The following CHRM3 variants were observed in gnomAD, a reference collection of about 807,000 sequenced individuals.
CHRM3 encodes cholinergic receptor muscarinic 3.
CHRM3 carries 11 observed loss-of-function variants against 41.8 expected under a neutral mutation model. The observed-to-expected ratio is 0.26, with a 90% CI of 0.17 to 0.44. The LOEUF (loss-of-function observed/expected upper bound fraction) is 0.44, where lower values mean the gene tolerates loss of function less well. Ranked by LOEUF, CHRM3 falls within the 20% of genes least tolerant of loss-of-function variation. The pLI, the probability that CHRM3 is intolerant of heterozygous loss-of-function variation, is 1.00. For synonymous variants in CHRM3, 297 were observed against 301.4 expected (o/e 0.99, Z 0.15); for missense variants, 571 against 745.4 (o/e 0.77, Z 2.72).
intron 5 of CHRM3, among the ~76,000 whole-genome samples, chr1:239,733,245 C>A (rs774445264): frequency 3.3e-5 from 5 of 152,022 alleles, no homozygotes; most frequent in Non-Finnish European, 7.4e-5. Context: ...CTACCTCAAC[C>A]AGCCATGAGC....
chr1:239,720,308 T>G (rs1258089370), intron 5 of CHRM3: 1 of 151,986 alleles, frequency 6.6e-6, no homozygotes, highest in African/African-American at 2.4e-5. Flanking sequence ...TTGCCCTAGT[T>G]TCTTTGCATA....
At chr1:239,713,651 T>C (rs1335593772) in intron 5 of CHRM3, among the ~76,000 whole-genome samples, 3 of 152,176 alleles carry the variant, frequency 2.0e-5, no homozygotes, top group African/African-American at 4.8e-5. Flanking sequence ...CAGATCTCCA[T>C]GGACAGAGAA....
At chr1:239,779,029 CT>C (rs1161271804) in intron 5 of CHRM3, among the ~76,000 whole-genome samples, 1 of 152,158 alleles carries the variant, frequency 6.6e-6, no homozygotes, top group Non-Finnish European at 1.5e-5. Flanking sequence ...GTTTTCCCAT[CT>C]TACTATTTGC....
rs943064536 is a variant in CHRM3, at chr1:239,699,892, C to T, written c.-147+21604C>T. Among the ~76,000 whole-genome samples the T allele has an allele frequency of 2.0e-4, 31 of 152,126 alleles. 2 individuals carry two copies. In the Middle Eastern group the frequency reaches 0.01, roughly 50 times the overall value. ...TCTCTAAATTATTAGTTAGACTATC[C>T]GAACTATATTTGATAACACCCTTAA... On this transcript the variant is annotated intron_variant, in intron 5 of 6. Transcript: ENST00000676153.
chr1:239,505,881 A>G (rs1162762740), intron 2 of CHRM3, among the ~76,000 whole-genome samples: 1 of 152,172 alleles, frequency 6.6e-6, no homozygotes, highest in Non-Finnish European at 1.5e-5. Flanking sequence ...TCTCAGATGG[A>G]GATGAGGAAC....
chr1:239,516,044 T>C (rs1269440727), intron 2 of CHRM3, among the ~76,000 whole-genome samples: 1 of 152,196 alleles, frequency 6.6e-6, no homozygotes, highest in East Asian at 1.9e-4. Flanking sequence ...TCTTTCTCTC[T>C]CTCTGTCTCT....
intron 6 of CHRM3, among the ~76,000 whole-genome samples, chr1:239,829,884 TG>T (rs1352358907): frequency 6.6e-6 from 1 of 152,214 alleles, no homozygotes; most frequent in African/African-American, 2.4e-5. Flanking sequence ...GAACATTGCC[TG>T]ACACATAGAA....
intron 1 of CHRM3, among the ~76,000 whole-genome samples, chr1:239,432,673 C>A (rs12141057): frequency 0.16 from 24,715 of 152,016 alleles, 2,654 homozygotes; most frequent in Non-Finnish European, 0.22. Flanking sequence ...GATAAAGGAA[C>A]GTATGAAAAT....
intron 4 of CHRM3, among the ~76,000 whole-genome samples, chr1:239,665,159 T>C (rs1673647966): frequency 8.3e-6 from 1 of 120,314 alleles, no homozygotes; most frequent in Non-Finnish European, 1.6e-5. Flanking sequence ...AGTTTGTTTT[T>C]CTCTGAAAAA....
At chr1:239,565,910 C>CTTTTT (rs796838831) in intron 3 of CHRM3, among the ~76,000 whole-genome samples, 11 of 117,442 alleles carry the variant, frequency 9.4e-5, no homozygotes, top group Non-Finnish European at 1.3e-4. Flanking sequence ...CATCTTTTTT[C>CTTTTT]TTTTTTTTTT....
chr1:239,867,818 C>T (rs1324542370), intron 6 of CHRM3, among the ~76,000 whole-genome samples: 1 of 152,198 alleles, frequency 6.6e-6, no homozygotes, highest in Non-Finnish European at 1.5e-5. Flanking sequence ...AACACAGCGC[C>T]TCCTAGTTTA....
chr1:239,525,896 C>T (rs1292902658), intron 2 of CHRM3, among the ~76,000 whole-genome samples: 2 of 152,186 alleles, frequency 1.3e-5, no homozygotes, highest in African/African-American at 2.4e-5. Flanking sequence ...CTTTAAGAAA[C>T]CCTGATGCCC....
intron 1 of CHRM3, among the ~76,000 whole-genome samples, chr1:239,400,768 G>C (rs1350961672): frequency 6.6e-6 from 1 of 152,152 alleles, no homozygotes; most frequent in East Asian, 1.9e-4. Flanking sequence ...TAAATACAAA[G>C]ATTTATTTTT....
At chr1:239,693,313 T>A (rs931517131) in intron 5 of CHRM3, among the ~76,000 whole-genome samples, 1 of 152,088 alleles carries the variant, frequency 6.6e-6, no homozygotes, top group Non-Finnish European at 1.5e-5. Context: ...TTTGGAGATA[T>A]GGGTTTTAGG....
At chr1:239,517,366 T>C (rs1267954356) in intron 2 of CHRM3, among the ~76,000 whole-genome samples, 2 of 152,218 alleles carry the variant, frequency 1.3e-5, no homozygotes, top group Non-Finnish European at 2.9e-5. Flanking sequence ...GTTAAACAGC[T>C]TGCCCAAATT....
At chr1:239,767,958 G>A (rs1667355376) in intron 5 of CHRM3, among the ~76,000 whole-genome samples, 1 of 152,112 alleles carries the variant, frequency 6.6e-6, no homozygotes, top group Admixed American at 6.5e-5. Flanking sequence ...CAAGCCCCGG[G>A]TGATTTCAAT....
intron 1 of CHRM3, among the ~76,000 whole-genome samples, chr1:239,480,543 A>ATTTTG (rs1558254333): frequency 9.0e-6 from 1 of 110,718 alleles, no homozygotes. Flanking sequence ...CGATAGCCCA[A>ATTTTG]TTTTTTTTTT....
intron 1 of CHRM3, among the ~76,000 whole-genome samples, chr1:239,467,948 T>C (rs1398824127): frequency 6.6e-6 from 1 of 151,816 alleles, no homozygotes; most frequent in African/African-American, 2.4e-5. Context: ...AATGTAATCA[T>C]TTGTCTTCTC....
intron 1 of CHRM3, among the ~76,000 whole-genome samples, chr1:239,433,282 G>A (rs1166679220): frequency 1.3e-5 from 2 of 151,970 alleles, no homozygotes; most frequent in African/African-American, 2.4e-5. Context: ...AATGGAACTC[G>A]GAGATTCTCA....
Sources: gnomAD v4.1 joint callset for allele counts (sites outside exome capture counted in the v4.1 genomes callset) on GRCh38, gnomAD v4.1.1 for gene constraint, MANE v1.5 for transcripts, NCBI Gene and HGNC (gene_info 2026-07-23, HGNC 2026-07-21) for gene names.